Variants in EML1 observed in about 807,000 individuals in gnomAD.
EML1 encodes the protein echinoderm microtubule-associated protein-like 1.
In EML1, 27 loss-of-function variants were observed where a neutral mutation model predicts 110.4. The observed-to-expected ratio is 0.24, with a 90% CI of 0.18 to 0.34. The LOEUF (loss-of-function observed/expected upper bound fraction) is 0.34, where lower values mean the gene tolerates loss of function less well. Ranked by LOEUF, EML1 falls within the 10% of genes least tolerant of loss-of-function variation. The pLI is 1.00. For synonymous variants in EML1, 344 were observed against 385.8 expected, an observed-to-expected ratio of 0.89 and a Z score of 1.27; for missense variants, 741 against 1,030.9, an observed-to-expected ratio of 0.72 and a Z score of 3.85.
At chr14:99,799,718 T>A (rs2057839577) in intron 1 of EML1, among the ~76,000 whole-genome samples, 1 of 152,262 alleles carries the variant, frequency 6.6e-6, no homozygotes, top group Non-Finnish European at 1.5e-5. Context: ...AACCATTAAT[T>A]GGTTATTGTC....
rs752972653 is a variant in EML1 at position 99,894,679 on chromosome 14, A to G, written c.598A>G (p.Met200Val). 4.3e-6 allele frequency: 7 copies of G among 1,613,888 alleles called. No homozygotes were observed. Among genetic ancestry groups the G allele is most frequent in the East Asian group, 2.2e-5 (1 of 44,850 alleles). ...FLRGRPVTMY[M>V]PKDQVDSYSL... ...TCGTGGACGCCCTGTTACCATGTAC[A>G]TGCCCAAAGATCAAGTGGATTCTTA... Residue 200 changes from methionine (M) to valine (V), a missense_variant, in exon 6 of 22, where the codon ATG becomes GTG. This residue lies in a region of EML1 where 226 missense variants were observed against 255.6 expected (regional missense o/e 0.88). Coordinates refer to ENST00000262233, the MANE Select transcript of EML1 (RefSeq NM_004434.3).
chr14:99,938,931 C>T (rs1439814646), intron 20 of EML1, among the ~76,000 whole-genome samples: 5 of 152,230 alleles, frequency 3.3e-5, no homozygotes, highest in African/African-American at 1.2e-4. Context: ...GATGAGGCCT[C>T]AAAAGACCTG....
At chr14:99,858,276 C>G (rs1331923482) in intron 2 of EML1, among the ~76,000 whole-genome samples, 1 of 151,900 alleles carries the variant, frequency 6.6e-6, no homozygotes, top group East Asian at 1.9e-4. Flanking sequence ...CCTCTGCCTC[C>G]CAGATTCAAG....
Position 99,760,083 on chromosome 14 carries a change from C to CAAAAAAA in EML1, c.28+22247_28+22253dup, listed in dbSNP as rs61619098. 4.2e-4 allele frequency among the ~76,000 whole-genome samples: 20 copies of CAAAAAAA among 47,148 alleles called. 1 individual carries two copies. The highest frequency in any genetic ancestry group is 6.9e-4 in the African/African-American group (7 of 10,184). The allele number at this position is 47,148 out of a possible 152,430, so 30.9% of individuals were successfully genotyped here. On this transcript the variant is annotated intron_variant, in intron 1 of 10. Transcript: ENST00000554479. ...GGGCAACAAGAGCTAGACTCCCTCT[C>CAAAAAAA]AAAAAAAAAAAAAAAAAAAAAAAAA... is the stretch of plus-strand genomic sequence containing the variant.
intron 4 of EML1, among the ~76,000 whole-genome samples, chr14:99,879,269 T>C (rs2059345980): frequency 6.6e-6 from 1 of 152,192 alleles, no homozygotes; most frequent in African/African-American, 2.4e-5. Context: ...TGTGTCTATA[T>C]AATATATTTA....
In EML1 at chr14:99,897,301, C is replaced by G. The variant is rs564798478; in HGVS notation, c.827+7C>G. The G allele has an allele frequency of 8.2e-6, 13 of 1,589,986 alleles. No individual in the cohort carries two copies. In the Admixed American group the frequency reaches 2.1e-4, roughly 26 times the overall value. ...ACAACGATGACGTGAAGTGGTAAGT[C>G]CTGAAACAGGTCATTCCTGCGACTC... is the stretch of plus-strand genomic sequence containing the variant. On this transcript the variant is annotated splice_region_variant and intron_variant, in intron 7 of 21. Coordinates refer to ENST00000262233, the MANE Select transcript of EML1 (RefSeq NM_004434.3).
At position 99,910,329 on chromosome 14, in the gene EML1, G is replaced by A. The variant is rs1309868400; in HGVS notation, c.1327G>A (p.Val443Ile). ...TGGAGATTCAAGTGGCAACATCTTA[G>A]TATGGGGAAAAGGTAATAAGTGATT... ...ITGDSSGNIL[V>I]WGKGTNRISY... Residue 443 changes from valine (V) to isoleucine (I), a missense_variant, in exon 12 of 22, where the codon GTA becomes ATA. Transcript: ENST00000262233. 2 of 1,612,758 alleles carry A rather than the reference G, an allele frequency of 1.2e-6. No homozygotes were observed.
Position 99,936,554 on chromosome 14 carries a change from A to T in EML1, c.2095+220A>T, listed in dbSNP as rs551066465. Among the ~76,000 whole-genome samples the T allele has an allele frequency of 1.3e-5, 2 of 152,006 alleles. No individual in the cohort carries two copies. The highest frequency in any genetic ancestry group is 4.8e-5 in the African/African-American group (2 of 41,374). Reference sequence around the variant, plus strand: ...ACTGTGAGCCCCTATGGAGGAGAAGATCCAGGGCCTGCCCCAAGGGGAAGA... The same window carrying T: ...ACTGTGAGCCCCTATGGAGGAGAAGTTCCAGGGCCTGCCCCAAGGGGAAGA... On this transcript the variant is annotated intron_variant, in intron 19 of 21. Transcript: ENST00000262233. The surrounding 1 kb of genome is among the most constrained non-coding windows in gnomAD (Gnocchi z 5.5).
chr14:99,894,617 T>C lies in EML1; in HGVS notation c.548-12T>C, dbSNP rs769578207. The C allele has an allele frequency of 1.2e-6, 2 of 1,609,808 alleles. No individual in the cohort carries two copies. Among genetic ancestry groups the C allele is most frequent in the Non-Finnish European group, 1.7e-6 (2 of 1,178,308 alleles). On this transcript the variant is annotated splice_polypyrimidine_tract_variant and intron_variant, in intron 5 of 21. Transcript: ENST00000262233. The stretch of plus-strand genomic sequence containing the variant: ...CTGAGGTATCTTACTGAAATCTTTG[T>C]TCTTTTTGTAGAAGAAGGCTATGTA...
At position 99,901,769 on chromosome 14, in the gene EML1, G is replaced by A. The variant is rs149465115; in HGVS notation, c.1008+730G>A. Among the ~76,000 whole-genome samples, 1,172 of 152,172 alleles carry A rather than the reference G, an allele frequency of 7.7e-3. 19 individuals carry two copies. The highest frequency in any genetic ancestry group is 0.027 in the African/African-American group (1,123 of 41,492). On this transcript the variant is annotated intron_variant, in intron 9 of 21. Transcript: ENST00000262233. ...TTTAGCCGGCTTCTTTACTGCAAGC[G>A]GTTATATCAGCAAGGTTTTTATGAC...
intron 1 of EML1, among the ~76,000 whole-genome samples, chr14:99,817,714 G>A (rs2058192746): frequency 6.6e-6 from 1 of 152,208 alleles, no homozygotes; most frequent in African/African-American, 2.4e-5. Flanking sequence ...TCTGTGCCAG[G>A]TGTTGTGCTA....
chr14:99,939,159 T>C lies in EML1; in HGVS notation c.2192-38T>C. ...CTGCGCCATGTGGCCCTGTGGCCCC[T>C]GGTGTTTCCAGCGCCCTGTTTGTGG... On this transcript the variant is annotated intron_variant, in intron 20 of 21. Coordinates refer to ENST00000262233, the MANE Select transcript of EML1 (RefSeq NM_004434.3). The surrounding 1 kb of genome is among the most constrained non-coding windows in gnomAD (Gnocchi z 4.2). 1 of 1,609,882 alleles carries C rather than the reference T, an allele frequency of 6.2e-7. No individual in the cohort carries two copies. The highest frequency in any genetic ancestry group is 8.5e-7 in the Non-Finnish European group (1 of 1,177,658).
chr14:99,740,940 A>G (rs982620644), intron 1 of EML1, among the ~76,000 whole-genome samples: 1 of 152,198 alleles, frequency 6.6e-6, no homozygotes, highest in African/African-American at 2.4e-5. Flanking sequence ...CAGAATCTGC[A>G]GGAAGAGAAT....
chr14:99,797,346 T>C (rs981300239), intron 1 of EML1, among the ~76,000 whole-genome samples: 3 of 152,214 alleles, frequency 2.0e-5, no homozygotes, highest in African/African-American at 7.2e-5. Context: ...ATCTGTTACT[T>C]GTTGATGGGT....
chr14:99,751,397 G>A (rs1021262630), intron 1 of EML1, among the ~76,000 whole-genome samples: 2 of 152,214 alleles, frequency 1.3e-5, no homozygotes, highest in Non-Finnish European at 2.9e-5. Context: ...AGCAGCTGCT[G>A]AATGGTCAAT....
chr14:99,744,027 T>C (rs2057075452), intron 1 of EML1, among the ~76,000 whole-genome samples: 1 of 152,206 alleles, frequency 6.6e-6, no homozygotes, highest in African/African-American at 2.4e-5. Flanking sequence ...AACCAGTTGC[T>C]GAGGTGGGTA....
At chr14:99,938,530 TTCCCCGACAATGGTCAGAAGAGGGCG>T (rs1181727792) in intron 20 of EML1, among the ~76,000 whole-genome samples, 1 of 152,202 alleles carries the variant, frequency 6.6e-6, no homozygotes, top group East Asian at 1.9e-4. Flanking sequence ...TTGAAAGGGT[TTCCCCGACAATGGTCAGAAGAGGGCG>T]TCCCCCACCC....
At chr14:99,877,334 T>C (rs1048197954) in intron 3 of EML1, among the ~76,000 whole-genome samples, 1 of 152,030 alleles carries the variant, frequency 6.6e-6, no homozygotes, top group East Asian at 1.9e-4. Flanking sequence ...TTTCCACACA[T>C]GAATTTGGGG....
At chr14:99,767,971 C>T (rs2057384503), upstream of EML1, among the ~76,000 whole-genome samples, 1 of 152,160 alleles carries the variant, frequency 6.6e-6, no homozygotes, top group Admixed American at 6.5e-5. Context: ...TCAAGAAATC[C>T]TTGAATTCAA....
Sources: gnomAD v4.1 joint callset for allele counts (sites outside exome capture counted in the v4.1 genomes callset) on GRCh38, gnomAD v4.1.1 for gene constraint, gnomAD v4.1.1 regional missense constraint, Gnocchi (gnomAD v3.1) non-coding constraint, MANE v1.5 for transcripts, NCBI Gene and HGNC (gene_info 2026-07-23, HGNC 2026-07-21) for gene names.